SPAST: variants seen among roughly 807,000 people sequenced by gnomAD.
SPAST encodes the protein spastic paraplegia 4 (autosomal dominant; spastin).
SPAST carries 30 observed loss-of-function variants against 76.6 expected under a neutral mutation model. The ratio of observed to expected loss-of-function variants is 0.39; its 90% CI spans 0.29 to 0.53. SPAST has a LOEUF of 0.53. Among genes scored for constraint, SPAST ranks in the 20% least tolerant of loss-of-function variants. SPAST has a pLI of 0.68. For synonymous variants in SPAST, 305 were observed against 281.0 expected, an observed-to-expected ratio of 1.09 and a Z score of -0.86; for missense variants, 717 against 770.5, an observed-to-expected ratio of 0.93 and a Z score of 0.82.
chr2:32,109,937 CATAT>C (rs1358933534), intron 4 of SPAST, among the ~76,000 whole-genome samples: 2 of 146,872 alleles, frequency 1.4e-5, no homozygotes, highest in Admixed American at 6.8e-5. Flanking sequence ...TATGCATATA[CATAT>C]ATAGTTACAT....
intron 12 of SPAST, among the ~76,000 whole-genome samples, chr2:32,137,685 G>C (rs568966937): frequency 6.6e-6 from 1 of 152,244 alleles, no homozygotes; most frequent in East Asian, 1.9e-4. Context: ...AATCCAAATT[G>C]ATTTTTTCAA....
intron 3 of SPAST, among the ~76,000 whole-genome samples, chr2:32,096,572 G>C (rs1233057549): frequency 6.6e-6 from 1 of 152,178 alleles, no homozygotes; most frequent in African/African-American, 2.4e-5. Flanking sequence ...TACACTGTAT[G>C]TGTCTGTTTC....
At chr2:32,121,535 CTTTTTTT>C (rs34519148) in intron 7 of SPAST, among the ~76,000 whole-genome samples, 8 of 102,742 alleles carry the variant, frequency 7.8e-5, no homozygotes, top group South Asian at 3.3e-4. Context: ...ATCTTTCTCA[CTTTTTTT>C]TTTTTTTTTT....
chr2:32,074,647 C>T (rs1245509137), intron 1 of SPAST, among the ~76,000 whole-genome samples: 1 of 152,054 alleles, frequency 6.6e-6, no homozygotes, highest in African/African-American at 2.4e-5. Context: ...GCTGGAATTA[C>T]AGGCGCAAGT....
intron 4 of SPAST, among the ~76,000 whole-genome samples, chr2:32,108,882 C>T (rs1678427154): frequency 6.7e-6 from 1 of 148,998 alleles, no homozygotes; most frequent in Admixed American, 6.8e-5. Context: ...TCTCCTGCCT[C>T]AGCCTCCTGA....
At chr2:32,084,425 A>G (rs573388934) in intron 1 of SPAST, among the ~76,000 whole-genome samples, 22 of 151,712 alleles carry the variant, frequency 1.5e-4, no homozygotes, top group African/African-American at 4.6e-4. Context: ...CGGCCTCCCA[A>G]AGTGCTGGGA....
At position 32,063,880 on chromosome 2, in the gene SPAST, A is replaced by G; in HGVS notation, c.49A>G (p.Ser17Gly). 9 of 1,585,016 alleles carry G rather than the reference A, an allele frequency of 5.7e-6. No homozygotes were observed. The highest frequency in any genetic ancestry group is 7.7e-6 in the Non-Finnish European group (9 of 1,169,196). Reference protein sequence around the residue: ...RGKKKGSGGASNPVPPRPPPP... With the variant: ...RGKKKGSGGAGNPVPPRPPPP... ...GAAGAAGAAAGGCTCCGGCGGCGCC[A>G]GCAACCCGGTGCCTCCCAGGCCTCC... Residue 17 changes from serine to glycine, a missense_variant, in exon 1 of 17, where the codon AGC becomes GGC. Transcript: ENST00000315285.
chr2:32,123,049 G>A (rs1300861410), intron 7 of SPAST, among the ~76,000 whole-genome samples: 2 of 152,120 alleles, frequency 1.3e-5, no homozygotes, highest in Non-Finnish European at 2.9e-5. Context: ...ATCACCTGAT[G>A]TCAGGGGTTC....
At chr2:32,081,559 C>G (rs1038043663) in intron 1 of SPAST, among the ~76,000 whole-genome samples, 1 of 151,808 alleles carries the variant, frequency 6.6e-6, no homozygotes, top group East Asian at 1.9e-4. Flanking sequence ...ACAGTCACTT[C>G]AAGTAGACGA....
chr2:32,128,050 A>G (rs913639888), intron 8 of SPAST: 5 of 278,392 alleles, frequency 1.8e-5, no homozygotes, highest in African/African-American at 1.1e-4. Flanking sequence ...GCTGGAGTGC[A>G]GTGATGTGAT....
chr2:32,081,395 TG>T (rs1482566089), intron 1 of SPAST, among the ~76,000 whole-genome samples: 1 of 152,202 alleles, frequency 6.6e-6, no homozygotes, highest in Non-Finnish European at 1.5e-5. Context: ...CGCCTGGCTG[TG>T]GCTCAGTTCT....
chr2:32,088,082 T>G (rs1192161945), intron 2 of SPAST, among the ~76,000 whole-genome samples: 1 of 151,878 alleles, frequency 6.6e-6, no homozygotes, highest in Non-Finnish European at 1.5e-5. Context: ...AAGATGGGGT[T>G]TTGCCACGTT....
At chr2:32,112,589 G>A (rs967616695) in intron 4 of SPAST, among the ~76,000 whole-genome samples, 2 of 151,854 alleles carry the variant, frequency 1.3e-5, no homozygotes, top group Middle Eastern at 3.5e-3. Context: ...CTTGTGATCC[G>A]CCCACCTTGG....
chr2:32,130,608 A>G (rs1679338928), intron 9 of SPAST: 2 of 151,494 alleles, frequency 1.3e-5, no homozygotes, highest in Middle Eastern at 3.4e-3. Flanking sequence ...AATCCCAGCT[A>G]TTCGGGAGGC....
intron 1 of SPAST, among the ~76,000 whole-genome samples, chr2:32,078,964 A>G (rs899581128): frequency 4.6e-5 from 7 of 152,154 alleles, no homozygotes; most frequent in Admixed American, 4.6e-4. Context: ...CAGCCCCTCA[A>G]GTAGCTGGGA....
At chr2:32,128,086 C>G (rs72493393) in intron 8 of SPAST, 6 of 328,452 alleles carry the variant, frequency 1.8e-5, no homozygotes, top group Admixed American at 1.4e-4. Flanking sequence ...TCTCTTCCTT[C>G]TGGGTTCAAG....
In SPAST at chr2:32,080,783, CTTTTTTTTTTTTT is replaced by C. The variant is rs1162817708; in HGVS notation, c.416-6692_416-6680del. 3.5e-4 allele frequency among the ~76,000 whole-genome samples: 17 copies of C among 48,450 alleles called. 1 individual carries two copies. Among genetic ancestry groups the C allele is most frequent in the South Asian group, 9.1e-4 (1 of 1,098 alleles). 31.8% of individuals were successfully genotyped at this position (48,450 alleles called of 152,430 possible). On this transcript the variant is annotated intron_variant, in intron 1 of 16. Coordinates refer to ENST00000315285, the MANE Select transcript of SPAST (RefSeq NM_014946.4). ...AGTTCTTGTATGGTCTGGCTCAGTT[CTTTTTTTTTTTTT>C]TTTTTTTTTTTTTTTTGAGATGGAG...
At chr2:32,070,608 C>A (rs1676708762) in intron 1 of SPAST, among the ~76,000 whole-genome samples, 1 of 152,278 alleles carries the variant, frequency 6.6e-6, no homozygotes, top group Admixed American at 6.5e-5. Context: ...ATGTGATTAA[C>A]AAATATGTGT....
At chr2:32,077,503 C>T (rs994184616) in intron 1 of SPAST, among the ~76,000 whole-genome samples, 1 of 152,028 alleles carries the variant, frequency 6.6e-6, no homozygotes, top group Admixed American at 6.6e-5. Flanking sequence ...ATGATTTTTG[C>T]CACAAGTCAG....
Sources: gnomAD v4.1 joint callset for allele counts (sites outside exome capture counted in the v4.1 genomes callset) on GRCh38, gnomAD v4.1.1 for gene constraint, MANE v1.5 for transcripts, NCBI Gene and HGNC (gene_info 2026-07-23, HGNC 2026-07-21) for gene names.